The following BTBD8 variants were observed in gnomAD, a reference collection of about 807,000 sequenced individuals.
BTBD8 encodes the protein BTB domain containing 8, also known as BTB/POZ domain-containing protein 8.
BTBD8 carries 110 observed loss-of-function variants against 162.9 expected under a neutral mutation model. The ratio of observed to expected loss-of-function variants is 0.68; its 90% confidence interval spans 0.58 to 0.79. The LOEUF (loss-of-function observed/expected upper bound fraction) is 0.79, where lower values mean the gene tolerates loss of function less well. BTBD8 is among the 30% of genes least tolerant of loss of function. The pLI, the probability that BTBD8 is intolerant of heterozygous loss-of-function variation, is 0.00. For synonymous variants in BTBD8, 667 were observed against 716.1 expected (o/e 0.93, Z 1.10); for missense variants, 1,905 against 2,085.4 (o/e 0.91, Z 1.68).
intron 9 of BTBD8, among the ~76,000 whole-genome samples, chr1:92,149,167 T>C (rs1649990394): frequency 6.6e-6 from 1 of 152,226 alleles, no homozygotes; most frequent in Non-Finnish European, 1.5e-5. Context: ...TAAACGTTCA[T>C]ATTCCTTCTT....
intron 5 of BTBD8, among the ~76,000 whole-genome samples, chr1:92,134,749 T>G (rs998507973): frequency 1.3e-5 from 2 of 152,140 alleles, no homozygotes; most frequent in African/African-American, 4.8e-5. Flanking sequence ...TCAAAAATAT[T>G]AATTATGAAT....
rs1056491891 is a variant in BTBD8 at position 92,167,037 on chromosome 1, C to T, written c.1202C>T (p.Ala401Val). Reference protein sequence around the residue: ...ISLPRVKWTEAALTMASQLQE... With the variant: ...ISLPRVKWTEVALTMASQLQE... ...TTACCCAGAGTGAAGTGGACGGAAGCAGCACTGACCATGGCGTCTCAGCTT... is the reference window on the plus strand; with the variant it reads ...TTACCCAGAGTGAAGTGGACGGAAGTAGCACTGACCATGGCGTCTCAGCTT... The change falls in exon 10 of 18, where the codon GCA (alanine) becomes GTA (valine). Residue 401 changes from alanine to valine, a missense_variant. Ala to Val is a moderately conservative substitution (Grantham distance 64, BLOSUM62 0). This residue lies in a region of BTBD8 where 1,374 missense variants were observed against 1,442.7 expected (regional missense o/e 0.95). Transcript: ENST00000636805. The T allele has an allele frequency of 1.9e-6, 3 of 1,550,760 alleles. No homozygotes were observed.
chr1:92,085,874 G>A (rs1486641670), intron 1 of BTBD8, among the ~76,000 whole-genome samples: 3 of 152,162 alleles, frequency 2.0e-5, no homozygotes, highest in African/African-American at 4.8e-5. Flanking sequence ...GTTCGGCAGA[G>A]TCAAAGGAAT....
Position 92,104,113 on chromosome 1 carries a change from C to T in BTBD8, c.544+1444C>T, listed in dbSNP as rs572231644. Among the ~76,000 whole-genome samples, 9 of 152,286 alleles carry T rather than the reference C, an allele frequency of 5.9e-5. 1 individual carries two copies. The South Asian group carries it at 1.7e-3, about 28-fold the overall frequency. On this transcript the variant is annotated intron_variant, in intron 3 of 17. Coordinates refer to ENST00000636805, the MANE Select transcript of BTBD8 (RefSeq NM_001376131.1). ...TCTGAATTTTGCACCTAAGCAAATG[C>T]GAAATTCATGTTATGCTCAAATTGT...
intron 3 of BTBD8, among the ~76,000 whole-genome samples, chr1:92,105,140 G>A (rs1648693672): frequency 6.6e-6 from 1 of 152,152 alleles, no homozygotes; most frequent in African/African-American, 2.4e-5. Flanking sequence ...CACCGTGTTA[G>A]CCAGGATGGT....
chr1:92,167,725 G>GA (rs1650420966), intron 10 of BTBD8, 123 bp from the exon 11 acceptor site: 3 of 735,430 alleles, frequency 4.1e-6, no homozygotes, highest in African/African-American at 3.6e-5. Context: ...TTAACAAAGG[G>GA]AAAAAATACG....
At chr1:92,174,847 C>A (rs1393936833) in intron 13 of BTBD8, among the ~76,000 whole-genome samples, 1 of 152,092 alleles carries the variant, frequency 6.6e-6, no homozygotes, top group Non-Finnish European at 1.5e-5. Flanking sequence ...TGTTTTATCA[C>A]CGTGCTTTCC....
intron 6 of BTBD8, among the ~76,000 whole-genome samples, chr1:92,140,713 A>G (rs777456560): frequency 3.0e-4 from 46 of 152,208 alleles, no homozygotes; most frequent in Non-Finnish European, 6.0e-4. Flanking sequence ...ATTTGTAGAC[A>G]TTTTCAATAT....
rs989081645 is a variant in BTBD8 at position 92,101,629 on chromosome 1, A to G, written c.348-844A>G. On this transcript the variant is annotated intron_variant, in intron 2 of 17. Transcript: ENST00000636805. ...GCCACGAATTCCATTTTTTGGCATT[A>G]TATATTACTTTTTAACATTTAACAT... Among the ~76,000 whole-genome samples the G allele has an allele frequency of 8.5e-5, 13 of 152,206 alleles. No homozygotes were observed. In the South Asian group the frequency reaches 1.4e-3, roughly 17 times the overall value.
rs768433316 is a variant in BTBD8, at chr1:92,139,421, C to G, written c.824C>G (p.Thr275Ser). The G allele has an allele frequency of 6.2e-7, 1 of 1,602,820 alleles. No homozygotes were observed. The highest frequency in any genetic ancestry group is 8.5e-7 in the Non-Finnish European group (1 of 1,177,014). Residue 275 changes from threonine (T) to serine (S), a missense_variant, in exon 6 of 18, where the codon ACT (threonine) becomes AGT (serine). Coordinates refer to ENST00000636805, the MANE Select transcript of BTBD8 (RefSeq NM_001376131.1). ...GGAACTCTGGACATTCCAGACAAAA[C>G]TAATGTTGGGTATGTATTCCTTTTT... The part of the protein sequence containing the change: ...YGGTLDIPDK[T>S]NVGQILNMAD...
rs757060037 is a variant in BTBD8 at position 92,102,508 on chromosome 1, A to C, written c.383A>C (p.Tyr128Ser). The change falls in exon 3 of 18, where the codon TAT becomes TCT. Residue 128 changes from tyrosine (Y) to serine (S), a missense_variant. Tyr to Ser is a moderately radical substitution (Grantham distance 144). Transcript: ENST00000636805. Reference protein sequence around the residue: ...IYSSNRNIKNYEEEILRKKIM... With the variant: ...IYSSNRNIKNSEEEILRKKIM... The stretch of plus-strand genomic sequence containing the variant: ...TCATCAAACAGAAACATAAAAAACT[A>C]TGAAGAGGAAATTCTTAGGAAAAAG... The C allele has an allele frequency of 6.4e-7, 1 of 1,559,392 alleles. No homozygotes were observed.
At chr1:92,175,233 C>CA (rs1303587517) in intron 13 of BTBD8, among the ~76,000 whole-genome samples, 1 of 151,896 alleles carries the variant, frequency 6.6e-6, no homozygotes, top group African/African-American at 2.4e-5. Context: ...GTAATCCCAG[C>CA]ACTTTAGGAG....
intron 9 of BTBD8, among the ~76,000 whole-genome samples, chr1:92,157,976 C>T (rs1001146697): frequency 1.3e-5 from 2 of 152,126 alleles, no homozygotes; most frequent in African/African-American, 4.8e-5. Context: ...CTGGCATATT[C>T]TTTTATCATT....
chr1:92,122,229 A>G (rs1206651630), intron 4 of BTBD8, among the ~76,000 whole-genome samples: 2 of 151,434 alleles, frequency 1.3e-5, no homozygotes, highest in African/African-American at 4.9e-5. Context: ...TTGATGGAAT[A>G]TTGGTTGTTT....
chr1:92,119,893 C>CTT (rs58297367), intron 4 of BTBD8, among the ~76,000 whole-genome samples: 363 of 58,412 alleles, frequency 6.2e-3, no homozygotes, highest in Non-Finnish European at 7.9e-3. Flanking sequence ...CGGCCCTTTT[C>CTT]TTTTTTTTTT....
chr1:92,118,183 T>C (rs1649095382), intron 4 of BTBD8, among the ~76,000 whole-genome samples: 1 of 151,874 alleles, frequency 6.6e-6, no homozygotes, highest in Non-Finnish European at 1.5e-5. Context: ...TTTTACCTAG[T>C]GTCCTTTTGT....
At chr1:92,139,297 A>AT in intron 5 of BTBD8, 53 bp from the exon 6 acceptor site, 1 of 1,514,186 alleles carries the variant, frequency 6.6e-7, no homozygotes, top group South Asian at 1.3e-5. Flanking sequence ...AGAATGAATC[A>AT]TTGATATCAG....
At chr1:92,087,155 AAC>A (rs771195766) in intron 1 of BTBD8, among the ~76,000 whole-genome samples, 178 of 152,342 alleles carry the variant, frequency 1.2e-3, no homozygotes, top group Non-Finnish European at 1.7e-3. Context: ...TCAAATAAAA[AAC>A]ACTGTATTTT....
intron 11 of BTBD8, 67 bp downstream of exon 11, chr1:92,168,052 C>A: frequency 7.2e-7 from 1 of 1,397,464 alleles, no homozygotes. Flanking sequence ...GATGTATGTG[C>A]ATTTTAAATG....
Sources: gnomAD v4.1 joint callset for allele counts (sites outside exome capture counted in the v4.1 genomes callset) on GRCh38, gnomAD v4.1.1 for gene constraint, gnomAD v4.1.1 regional missense constraint, MANE v1.5 for transcripts, NCBI Gene and HGNC (gene_info 2026-07-23, HGNC 2026-07-21) for gene names.